The following CEP290 variants were observed in gnomAD, a reference collection of about 807,000 sequenced individuals.
CEP290 encodes the protein centrosomal protein of 290 kDa.
A neutral mutation model predicts 344.9 loss-of-function variants in CEP290; 317 were observed. That is an observed-to-expected ratio of 0.92 (90% CI 0.84 to 1.01). The LOEUF (loss-of-function observed/expected upper bound fraction) is 1.01, where lower values mean the gene tolerates loss of function less well. Ranked by LOEUF, CEP290 falls within the 50% of genes least tolerant of loss-of-function variation. CEP290 has a pLI of 0.00. For synonymous variants in CEP290, 932 were observed against 895.8 expected (o/e 1.04, Z -0.72); for missense variants, 2,754 against 2,761.4 (o/e 1.00, Z 0.06).
chr12:88,071,332 C>G lies in CEP290; in HGVS notation c.5973G>C (p.Lys1991Asn), dbSNP rs1064795773. ...TATCATTTTCTAAGTCAAGATTTCTCTTTTTTAATTCTTCCAATTCTTTTT... is the reference window on the plus strand; with the variant it reads ...TATCATTTTCTAAGTCAAGATTTCTGTTTTTTAATTCTTCCAATTCTTTTT... The part of the protein sequence containing the change: ...ESEKELEELK[K>N]RNLDLENDIL... Residue 1991 changes from lysine to asparagine, a missense_variant, in exon 43 of 54, where the codon AAG becomes AAC. Transcript: ENST00000552810. 6.2e-7 allele frequency: 1 copy of G among 1,607,792 alleles called. No homozygotes were observed. Among genetic ancestry groups the G allele is most frequent in the Admixed American group, 1.7e-5 (1 of 59,454 alleles).
At chr12:88,072,235 A>T (rs887432667) in intron 41 of CEP290, among the ~76,000 whole-genome samples, 6 of 152,152 alleles carry the variant, frequency 3.9e-5, no homozygotes, top group African/African-American at 1.4e-4. Context: ...TTCTACACAT[A>T]GCTTGGAGGT....
intron 3 of CEP290, 66 bp downstream of exon 3, chr12:88,140,890 A>G (rs2040612644): frequency 2.9e-6 from 3 of 1,042,922 alleles, no homozygotes; most frequent in Non-Finnish European, 4.2e-6. Flanking sequence ...ATTACCTTAT[A>G]TAAGAACAGA....
intron 26 of CEP290, among the ~76,000 whole-genome samples, chr12:88,101,886 C>T (rs2037919315): frequency 6.6e-6 from 1 of 152,036 alleles, no homozygotes; most frequent in Non-Finnish European, 1.5e-5. Flanking sequence ...CTCTCTTTGG[C>T]AAAAGCAGCA....
rs34363931 is a variant in CEP290, at chr12:88,115,185, GA to G, written c.1825-4del. 2 of 1,368,214 alleles carry G rather than the reference GA, an allele frequency of 1.5e-6. No individual in the cohort carries two copies. Among genetic ancestry groups the G allele is most frequent in the South Asian group, 1.3e-5 (1 of 74,846 alleles). The allele number at this position is 1,368,214 out of a possible 1,614,324, so 84.8% of individuals were successfully genotyped here. A position where few individuals can be genotyped will look rare whatever the true frequency, so the allele number is the denominator to read the frequency against. The stretch of plus-strand genomic sequence containing the variant: ...AGTTCTCTTGAAAGAAATTCATTCT[GA>G]AAAAAGCAGAGAGAATAAAATTGAT... On this transcript the variant is annotated splice_polypyrimidine_tract_variant and splice_region_variant and intron_variant, in intron 18 of 53. Coordinates refer to ENST00000552810, the MANE Select transcript of CEP290 (RefSeq NM_025114.4).
intron 37 of CEP290, among the ~76,000 whole-genome samples, chr12:88,081,220 C>T (rs2036176638): frequency 6.6e-6 from 1 of 151,958 alleles, no homozygotes; most frequent in East Asian, 1.9e-4. Context: ...GCCAAATGTC[C>T]CCAAGAGGGA....
rs780954447 is a variant in CEP290, at chr12:88,117,106, GA to G, written c.1750del (p.Ser584LeufsTer6). Reference sequence around the variant, plus strand: ...TCTTTCACTTATTCTATCTCCTTGAGAAATGTTTTCAGTTAGGTTCAGGTCC... The same window carrying G: ...TCTTTCACTTATTCTATCTCCTTGAGAATGTTTTCAGTTAGGTTCAGGTCC... ...TEDLNLTENI[S>X]QGDRISERKL... On this transcript the variant is annotated frameshift_variant, in exon 18 of 54. Coordinates refer to ENST00000552810, the MANE Select transcript of CEP290 (RefSeq NM_025114.4). LOFTEE classifies it high-confidence loss of function. 6 of 1,561,226 alleles carry G rather than the reference GA, an allele frequency of 3.8e-6. No homozygotes were observed. Among genetic ancestry groups the G allele is most frequent in the Non-Finnish European group, 4.3e-6 (5 of 1,149,812 alleles).
At chr12:88,061,374 T>C (rs894723648) in intron 46 of CEP290, among the ~76,000 whole-genome samples, 1 of 152,164 alleles carries the variant, frequency 6.6e-6, no homozygotes, top group African/African-American at 2.4e-5. Flanking sequence ...TTTAAAGAGC[T>C]CATGAGTAAT....
intron 53 of CEP290, 108 bp downstream of exon 53, chr12:88,050,246 T>C (rs2033362909): frequency 1.8e-5 from 11 of 627,708 alleles, no homozygotes; most frequent in Non-Finnish European, 2.8e-5. Context: ...AGGTCAAATA[T>C]AAGATGTTAT....
At position 88,118,669 on chromosome 12, in the gene CEP290, C is replaced by G. The variant is rs761507465; in HGVS notation, c.1597G>C (p.Ala533Pro). 5 of 1,613,420 alleles carry G rather than the reference C, an allele frequency of 3.1e-6. No individual in the cohort carries two copies. The African/African-American group carries it at 5.3e-5, about 17-fold the overall frequency. Residue 533 changes from alanine to proline, a missense_variant, in exon 16 of 54, where the codon GCT (alanine) becomes CCT (proline). Physicochemically the swap from Ala to Pro is conservative, Grantham distance 27. Coordinates refer to ENST00000552810, the MANE Select transcript of CEP290 (RefSeq NM_025114.4). ...TCTTTCAAAAGAATCTGGTTTTCAG[C>G]TCTGTACTGCTGCTGTTTTAAGTGT... ...SKHLKQQQYR[A>P]ENQILLKEIE...
chr12:88,084,451 C>A, intron 35 of CEP290, 135 bp downstream of exon 35: 1 of 810,756 alleles, frequency 1.2e-6, no homozygotes. Context: ...GTAATCCAAT[C>A]ACATGCAAGT....
rs1420933299 is a variant in CEP290, at chr12:88,089,417, G to A, written c.3644C>T (p.Ala1215Val). Residue 1215 changes from alanine (A) to valine (V), a missense_variant, in exon 31 of 54, where the codon GCT becomes GTT. Coordinates refer to ENST00000552810, the MANE Select transcript of CEP290 (RefSeq NM_025114.4). Reference sequence around the variant, plus strand: ...TGACTCCAACTTACCAAGAGCAGTAGCCTCACTCAGTTGAAGAGAGACATT... The same window carrying A: ...TGACTCCAACTTACCAAGAGCAGTAACCTCACTCAGTTGAAGAGAGACATT... Reference protein sequence around the residue: ...QHNVSLQLSEATALGKLESIT... With the variant: ...QHNVSLQLSEVTALGKLESIT... 8.7e-6 allele frequency: 14 copies of A among 1,609,190 alleles called. No homozygotes were observed. The highest frequency in any genetic ancestry group is 1.7e-5 in the Admixed American group (1 of 59,300).
At chr12:88,104,926 T>C (rs1397965363) in intron 25 of CEP290, among the ~76,000 whole-genome samples, 1 of 152,154 alleles carries the variant, frequency 6.6e-6, no homozygotes, top group Non-Finnish European at 1.5e-5. Flanking sequence ...TCCGATACTA[T>C]TTACTTACCC....
At chr12:88,110,743 AG>A (rs997086948) in intron 22 of CEP290, among the ~76,000 whole-genome samples, 9 of 152,170 alleles carry the variant, frequency 5.9e-5, no homozygotes, top group Non-Finnish European at 1.2e-4. Context: ...GAATGCAAAA[AG>A]GGGAACAATT....
intron 25 of CEP290, chr12:88,103,696 A>G (rs1207407067): frequency 6.6e-6 from 1 of 152,126 alleles, no homozygotes; most frequent in Non-Finnish European, 1.5e-5. Flanking sequence ...GAATGATGAA[A>G]GCTGAGAAGT....
In CEP290 at chr12:88,058,703, A is replaced by G. The variant is rs1027279522; in HGVS notation, c.6818+145T>C. 3.7e-6 allele frequency: 3 copies of G among 809,062 alleles called. No homozygotes were observed. The African/African-American group carries it at 5.2e-5, about 14-fold the overall frequency. 50.1% of individuals were successfully genotyped at this position (809,062 alleles called of 1,614,324 possible). A position where few individuals can be genotyped will look rare whatever the true frequency, so the allele number is the denominator to read the frequency against. On this transcript the variant is annotated intron_variant, in intron 49 of 53. Transcript: ENST00000552810. ...AAAAAGTCTCCAACAATACTACAAC[A>G]GAAAAAAAGTATTATGTTAAAACAA...
intron 44 of CEP290, among the ~76,000 whole-genome samples, chr12:88,067,997 A>G (rs1337619628): frequency 1.3e-5 from 2 of 152,202 alleles, no homozygotes; most frequent in Non-Finnish European, 1.5e-5. Context: ...GTATTTATTA[A>G]TAATGGTAAC....
At chr12:88,082,073 A>G (rs1391451314) in intron 37 of CEP290, among the ~76,000 whole-genome samples, 1 of 152,222 alleles carries the variant, frequency 6.6e-6, no homozygotes, top group African/African-American at 2.4e-5. Flanking sequence ...CAGGGGCTTG[A>G]GAGCTGAAAT....
At chr12:88,104,819 T>C (rs1412236500) in intron 25 of CEP290, among the ~76,000 whole-genome samples, 2 of 152,094 alleles carry the variant, frequency 1.3e-5, no homozygotes, top group Non-Finnish European at 2.9e-5. Flanking sequence ...TTATTGTATG[T>C]ATATTGTAGG....
chr12:88,054,127 G>A lies in CEP290; in HGVS notation c.7034+213C>T, dbSNP rs191788960. 8.5e-4 allele frequency among the ~76,000 whole-genome samples: 129 copies of A among 152,192 alleles called. 1 individual carries two copies. Among genetic ancestry groups the A allele is most frequent in the Non-Finnish European group, 1.3e-3 (87 of 67,988 alleles). Reference sequence around the variant, plus strand: ...AAAAGTTTAAACTAAATTACAAACTGGAAACTTAGAGTTGGGTTTATCCTT... The same window carrying A: ...AAAAGTTTAAACTAAATTACAAACTAGAAACTTAGAGTTGGGTTTATCCTT... On this transcript the variant is annotated intron_variant, in intron 51 of 53. Coordinates refer to ENST00000552810, the MANE Select transcript of CEP290 (RefSeq NM_025114.4).
Sources: allele counts gnomAD v4.1 joint callset (sites outside exome capture counted in the v4.1 genomes callset), GRCh38; gene constraint gnomAD v4.1.1; transcripts MANE v1.5; gene names NCBI Gene and HGNC (gene_info 2026-07-23, HGNC 2026-07-21).